The following ADGRB3 variants were observed in gnomAD, a reference collection of about 807,000 sequenced individuals.
ADGRB3 encodes the protein adhesion G protein-coupled receptor B3, also known as brain-specific angiogenesis inhibitor 3.
Under a neutral mutation model 193.4 loss-of-function variants are expected in ADGRB3, and 37 were observed. That is an observed-to-expected ratio of 0.19 (90% confidence interval 0.15 to 0.25). The LOEUF (loss-of-function observed/expected upper bound fraction) is 0.25, where lower values mean the gene tolerates loss of function less well. Ranked by LOEUF, ADGRB3 falls within the 10% of genes least tolerant of loss-of-function variation. The pLI is 1.00. For synonymous variants in ADGRB3, 690 were observed against 644.2 expected, an observed-to-expected ratio of 1.07 and a Z score of -1.08; for missense variants, 1,637 against 1,852.9, an observed-to-expected ratio of 0.88 and a Z score of 2.14.
chr6:68,645,491 T>C lies in ADGRB3; in HGVS notation c.757+6059T>C, dbSNP rs76999748. Among the ~76,000 whole-genome samples, 19 of 152,260 alleles carry C rather than the reference T, an allele frequency of 1.2e-4. No homozygotes were observed. In the East Asian group the frequency reaches 3.7e-3, roughly 29 times the overall value. On this transcript the variant is annotated intron_variant, in intron 3 of 31. Transcript: ENST00000370598. ...CACTTCCTTGAAATGAGAAGCATGA[T>C]TTGGTATAAGAAAAACTTTGGTCCC...
intron 5 of ADGRB3, among the ~76,000 whole-genome samples, chr6:68,941,467 A>G (rs1767639802): frequency 6.6e-6 from 1 of 152,172 alleles, no homozygotes; most frequent in Admixed American, 6.5e-5. Context: ...AATTTAACTA[A>G]GCCATCAAGG....
At chr6:69,192,467 C>G (rs1043133203) in intron 17 of ADGRB3, among the ~76,000 whole-genome samples, 1 of 152,164 alleles carries the variant, frequency 6.6e-6, no homozygotes, top group Non-Finnish European at 1.5e-5. Context: ...AAATGTTAAT[C>G]TCCTTTGGTA....
chr6:69,192,841 A>G (rs1454802897), intron 17 of ADGRB3, among the ~76,000 whole-genome samples: 1 of 152,156 alleles, frequency 6.6e-6, no homozygotes, highest in East Asian at 1.9e-4. Flanking sequence ...AGACAAACAT[A>G]TTTCCAGCTT....
At chr6:68,864,950 G>A (rs539894275) in intron 3 of ADGRB3, among the ~76,000 whole-genome samples, 1 of 152,128 alleles carries the variant, frequency 6.6e-6, no homozygotes, top group Non-Finnish European at 1.5e-5. Flanking sequence ...CACTCCACCT[G>A]AAAGACTATA....
intron 17 of ADGRB3, among the ~76,000 whole-genome samples, chr6:69,191,394 C>T (rs1408759455): frequency 6.6e-6 from 1 of 152,116 alleles, no homozygotes; most frequent in East Asian, 1.9e-4. Context: ...CACACCAATA[C>T]AGTAGTTTCA....
intron 17 of ADGRB3, among the ~76,000 whole-genome samples, chr6:69,135,635 A>G (rs1171620965): frequency 6.6e-6 from 1 of 152,086 alleles, no homozygotes; most frequent in South Asian, 2.1e-4. Context: ...CTCATTAATT[A>G]TTAGGAATTT....
intron 20 of ADGRB3, among the ~76,000 whole-genome samples, chr6:69,298,241 GGTT>G (rs1283131048): frequency 6.6e-6 from 1 of 151,912 alleles, no homozygotes; most frequent in African/African-American, 2.4e-5. Flanking sequence ...CATAGAGGGA[GGTT>G]GGTCAGTGTG....
At chr6:69,216,792 G>T (rs1399476446) in intron 17 of ADGRB3, among the ~76,000 whole-genome samples, 1 of 152,172 alleles carries the variant, frequency 6.6e-6, no homozygotes, top group Non-Finnish European at 1.5e-5. Context: ...CAGGGACATG[G>T]GGTCCCAGTG....
chr6:69,364,398 G>A (rs991182864), intron 29 of ADGRB3, among the ~76,000 whole-genome samples: 3 of 151,956 alleles, frequency 2.0e-5, no homozygotes, highest in African/African-American at 7.2e-5. Context: ...GAAAGAAGGA[G>A]GCTCCCCAAC....
At chr6:68,858,963 A>G (rs1447511882) in intron 3 of ADGRB3, among the ~76,000 whole-genome samples, 2 of 152,144 alleles carry the variant, frequency 1.3e-5, no homozygotes, top group Non-Finnish European at 2.9e-5. Flanking sequence ...ACTTATGCAA[A>G]TTTATGTAGC....
At chr6:69,259,168 C>T (rs1339278398) in intron 20 of ADGRB3, among the ~76,000 whole-genome samples, 1 of 152,108 alleles carries the variant, frequency 6.6e-6, no homozygotes, top group African/African-American at 2.4e-5. Context: ...TTCGAATTTG[C>T]TTAATAAGAA....
At chr6:69,182,675 T>C (rs1775620251) in intron 17 of ADGRB3, among the ~76,000 whole-genome samples, 1 of 152,162 alleles carries the variant, frequency 6.6e-6, no homozygotes, top group African/African-American at 2.4e-5. Flanking sequence ...TCCCTTAAAA[T>C]TGAAAACACC....
chr6:68,735,226 G>A (rs1179302810), intron 3 of ADGRB3, among the ~76,000 whole-genome samples: 3 of 151,912 alleles, frequency 2.0e-5, no homozygotes, highest in Non-Finnish European at 4.4e-5. Context: ...TTAAATTCCA[G>A]AATGAAGGTT....
At chr6:69,207,816 G>A (rs1561952846) in intron 17 of ADGRB3, among the ~76,000 whole-genome samples, 1 of 152,170 alleles carries the variant, frequency 6.6e-6, no homozygotes, top group Admixed American at 6.5e-5. Flanking sequence ...CTTGGTCAGA[G>A]GCAATGTTGT....
At chr6:68,772,604 C>G (rs1035399329) in intron 3 of ADGRB3, among the ~76,000 whole-genome samples, 6 of 151,866 alleles carry the variant, frequency 4.0e-5, no homozygotes, top group Non-Finnish European at 7.4e-5. Flanking sequence ...TTTGCCAGTA[C>G]TCTAATGAGA....
chr6:68,832,064 AT>A, intron 3 of ADGRB3, among the ~76,000 whole-genome samples: 1 of 152,278 alleles, frequency 6.6e-6, no homozygotes, highest in African/African-American at 2.4e-5. Flanking sequence ...AGACTACTTC[AT>A]TTTAATTACT....
At chr6:69,004,718 T>A (rs1483342841) in intron 11 of ADGRB3, among the ~76,000 whole-genome samples, 1 of 152,124 alleles carries the variant, frequency 6.6e-6, no homozygotes, top group Non-Finnish European at 1.5e-5. Flanking sequence ...TCTTTCTAAC[T>A]TAATTTCCTT....
At chr6:68,652,817 T>A (rs1191075390) in intron 3 of ADGRB3, among the ~76,000 whole-genome samples, 3 of 152,126 alleles carry the variant, frequency 2.0e-5, no homozygotes, top group Admixed American at 6.6e-5. Flanking sequence ...TATGCTTAAT[T>A]CCTTTGGTGT....
chr6:69,049,281 A>C lies in ADGRB3; in HGVS notation c.2268A>C (p.Glu756Asp), dbSNP rs775747641. Residue 756 changes from glutamate to aspartate, a missense_variant, in exon 15 of 32, where the codon GAA (glutamate) becomes GAC (aspartate). Physicochemically the swap from Glu to Asp is conservative, Grantham distance 45. Transcript: ENST00000370598. ...FTPVSSKELD[E>D]SSVFVLGAVL... ...ATTTATTCTTTCTAGAATTAGATGA[A>C]TCATCTGTATTTGTTCTTGGCGCAG... 6.2e-7 allele frequency: 1 copy of C among 1,601,796 alleles called. No individual in the cohort carries two copies. The highest frequency in any genetic ancestry group is 8.5e-7 in the Non-Finnish European group (1 of 1,173,094).
Sources: allele counts gnomAD v4.1 joint callset (sites outside exome capture counted in the v4.1 genomes callset), GRCh38; gene constraint gnomAD v4.1.1; transcripts MANE v1.5; gene names NCBI Gene and HGNC (gene_info 2026-07-23, HGNC 2026-07-21).